KCNQ5: variants seen among roughly 807,000 people sequenced by gnomAD.
The protein encoded by KCNQ5 is potassium voltage-gated channel subfamily Q member 5, also known as potassium voltage-gated channel subfamily KQT member 5.
In KCNQ5, 30 loss-of-function variants were observed where a neutral mutation model predicts 98.2. That is an observed-to-expected ratio of 0.31 (90% CI 0.23 to 0.41). KCNQ5 has a LOEUF of 0.41. KCNQ5 is among the 10% of genes least tolerant of loss of function. KCNQ5 has a pLI of 1.00. For missense variants in KCNQ5, 835 were observed against 1,182.5 expected (o/e 0.71, Z 4.31); for synonymous variants, 458 against 449.4 (o/e 1.02, Z -0.24).
intron 1 of KCNQ5, among the ~76,000 whole-genome samples, chr6:72,776,291 G>A (rs998783312): frequency 1.3e-5 from 2 of 152,050 alleles, no homozygotes; most frequent in Non-Finnish European, 2.9e-5. Context: ...TTATAATGTA[G>A]GAATTATTCT....
At chr6:72,878,037 G>A (rs1028469629) in intron 1 of KCNQ5, among the ~76,000 whole-genome samples, 2 of 152,212 alleles carry the variant, frequency 1.3e-5, no homozygotes, top group South Asian at 2.1e-4. Flanking sequence ...TTGGGAGGCC[G>A]AGGCAGGTGG....
chr6:73,130,605 G>A (rs1026407289), intron 9 of KCNQ5, among the ~76,000 whole-genome samples: 2 of 152,100 alleles, frequency 1.3e-5, no homozygotes. Flanking sequence ...CAAAAAAAAG[G>A]CAGGAAAATA....
At chr6:73,129,846 A>C in intron 9 of KCNQ5, 2 of 1,611,882 alleles carry the variant, frequency 1.2e-6, no homozygotes, top group Non-Finnish European at 1.7e-6. Flanking sequence ...TCACGGAAGC[A>C]GAGGTACCCA....
At chr6:73,037,834 A>G (rs1404546341) in intron 2 of KCNQ5, among the ~76,000 whole-genome samples, 1 of 152,074 alleles carries the variant, frequency 6.6e-6, no homozygotes, top group East Asian at 1.9e-4. Flanking sequence ...CTTCTTTGTC[A>G]GCATTGTTTT....
At chr6:73,095,819 G>C (rs556910375) in intron 5 of KCNQ5, among the ~76,000 whole-genome samples, 4 of 152,138 alleles carry the variant, frequency 2.6e-5, no homozygotes, top group Non-Finnish European at 4.4e-5. Flanking sequence ...TATTTAGGGT[G>C]TCTCCTAGGT....
At chr6:72,889,713 C>G (rs191859239) in intron 1 of KCNQ5, among the ~76,000 whole-genome samples, 2 of 152,126 alleles carry the variant, frequency 1.3e-5, no homozygotes, top group East Asian at 1.9e-4. Flanking sequence ...TTAAATAAGT[C>G]CCCCCTGCAT....
chr6:73,059,391 C>T (rs888431918), intron 3 of KCNQ5, among the ~76,000 whole-genome samples: 8 of 152,034 alleles, frequency 5.3e-5, no homozygotes, highest in African/African-American at 1.9e-4. Context: ...AAGAGAACAA[C>T]AGACGCGTAA....
At chr6:72,737,659 T>A (rs912679119) in intron 1 of KCNQ5, among the ~76,000 whole-genome samples, 1 of 152,220 alleles carries the variant, frequency 6.6e-6, no homozygotes, top group African/African-American at 2.4e-5. Context: ...TACTTTTGTA[T>A]CATATATTTT....
chr6:72,909,238 A>G (rs1779824129), intron 1 of KCNQ5, among the ~76,000 whole-genome samples: 2 of 152,188 alleles, frequency 1.3e-5, no homozygotes, highest in African/African-American at 4.8e-5. Flanking sequence ...ACAAAAACTG[A>G]TAGTGTTCTC....
At chr6:72,958,784 A>G (rs563437156) in intron 1 of KCNQ5, among the ~76,000 whole-genome samples, 56 of 152,332 alleles carry the variant, frequency 3.7e-4, no homozygotes, top group African/African-American at 1.3e-3. Flanking sequence ...AATTTCTTAC[A>G]TTTTCAAAGT....
intron 1 of KCNQ5, among the ~76,000 whole-genome samples, chr6:72,920,589 C>G (rs1324676330): frequency 6.6e-6 from 1 of 152,138 alleles, no homozygotes; most frequent in Admixed American, 6.6e-5. Context: ...AAACTCAAAC[C>G]TTTAACATTT....
intron 1 of KCNQ5, among the ~76,000 whole-genome samples, chr6:72,724,262 A>G (rs1561943292): frequency 1.3e-5 from 2 of 152,222 alleles, no homozygotes; most frequent in Non-Finnish European, 2.9e-5. Context: ...GGGAAAATCA[A>G]GCCAATTCCT....
chr6:73,168,165 T>C (rs1344473233), intron 10 of KCNQ5, among the ~76,000 whole-genome samples: 4 of 152,162 alleles, frequency 2.6e-5, no homozygotes, highest in Admixed American at 1.3e-4. Flanking sequence ...GTAAACTGCA[T>C]AAACACACAG....
chr6:72,704,467 C>G (rs889402772), intron 1 of KCNQ5, among the ~76,000 whole-genome samples: 1 of 151,750 alleles, frequency 6.6e-6, no homozygotes, highest in Non-Finnish European at 1.5e-5. Context: ...TGCAGAGGTA[C>G]TCAGTAAGTT....
At chr6:72,777,270 C>T (rs1044197338) in intron 1 of KCNQ5, among the ~76,000 whole-genome samples, 25 of 152,144 alleles carry the variant, frequency 1.6e-4, no homozygotes, top group African/African-American at 6.0e-4. Flanking sequence ...TTACTGGGAA[C>T]CCTATCAAAG....
At position 72,907,019 on chromosome 6, in the gene KCNQ5, C is replaced by A. The variant is rs535784845; in HGVS notation, c.399-96889C>A. Among the ~76,000 whole-genome samples the A allele has an allele frequency of 2.6e-5, 4 of 152,298 alleles. No individual in the cohort carries two copies. The South Asian group carries it at 8.3e-4, about 32-fold the overall frequency. On this transcript the variant is annotated intron_variant, in intron 1 of 13. Coordinates refer to ENST00000370398, the MANE Select transcript of KCNQ5 (RefSeq NM_019842.4). Reference sequence around the variant, plus strand: ...TTAAAGATTATAAGAATCTTGTAGTCAATGACTGTCACATTGGTGACCGTG... The same window carrying A: ...TTAAAGATTATAAGAATCTTGTAGTAAATGACTGTCACATTGGTGACCGTG...
intron 11 of KCNQ5, among the ~76,000 whole-genome samples, chr6:73,181,960 A>G (rs745665572): frequency 6.6e-6 from 1 of 152,222 alleles, no homozygotes; most frequent in Non-Finnish European, 1.5e-5. Context: ...AAAGGTCCTA[A>G]TTTAACTCTA....
intron 11 of KCNQ5, among the ~76,000 whole-genome samples, chr6:73,175,971 A>G (rs1407442331): frequency 6.6e-6 from 1 of 152,214 alleles, no homozygotes; most frequent in Non-Finnish European, 1.5e-5. Context: ...GAGAACTGCA[A>G]TTGCAAAGAA....
At chr6:73,019,942 T>C (rs2150338066) in intron 2 of KCNQ5, among the ~76,000 whole-genome samples, 1 of 152,286 alleles carries the variant, frequency 6.6e-6, no homozygotes, top group East Asian at 1.9e-4. Flanking sequence ...CAGAGTAAAA[T>C]TCCAAATATT....
Sources: allele counts gnomAD v4.1 joint callset (sites outside exome capture counted in the v4.1 genomes callset), GRCh38; gene constraint gnomAD v4.1.1; transcripts MANE v1.5; gene names NCBI Gene and HGNC (gene_info 2026-07-23, HGNC 2026-07-21).